The following NPY variants were observed in gnomAD, a reference collection of about 807,000 sequenced individuals.
NPY encodes neuropeptide Y.
Under a neutral mutation model 13.2 loss-of-function variants are expected in NPY, and 11 were observed. The observed-to-expected ratio is 0.83, with a 90% CI of 0.52 to 1.38. The LOEUF is 1.38. Ranked by LOEUF, NPY falls within the 40% of genes most tolerant of loss-of-function variation. The pLI is 0.00. For synonymous variants in NPY, 51 were observed against 55.6 expected, an observed-to-expected ratio of 0.92 and a Z score of 0.37; for missense variants, 109 against 125.1, an observed-to-expected ratio of 0.87 and a Z score of 0.61.
intron 3 of NPY, 35 bp from the exon 4 acceptor site, chr7:24,291,628 C>G (rs1474266625): frequency 1.9e-6 from 3 of 1,613,554 alleles, no homozygotes; most frequent in Non-Finnish European, 2.5e-6. Context: ...AGTTGGGCAG[C>G]TTTCCTTACA....
Position 24,285,161 on chromosome 7 carries a change from G to C in NPY, c.1-80G>C. ...CGCGTGTGGTAGCAGGAGGAGGAGC[G>C]CGGGGGGCAGAGGAGGGAGGTGCTG... On this transcript the variant is annotated intron_variant, in intron 1 of 3. Coordinates refer to ENST00000242152, the MANE Select transcript of NPY (RefSeq NM_000905.4). This position sits in a 1 kb window ranked among gnomAD's most constrained non-coding sequence, Gnocchi z 4.9. 1 of 1,447,848 alleles carries C rather than the reference G, an allele frequency of 6.9e-7. No homozygotes were observed. The allele number at this position is 1,447,848 out of a possible 1,614,324, so 89.7% of individuals were successfully genotyped here. A position where few individuals can be genotyped will look rare whatever the true frequency, so the allele number is the denominator to read the frequency against.
intron 3 of NPY, among the ~76,000 whole-genome samples, chr7:24,290,528 C>CA: frequency 6.6e-6 from 1 of 152,028 alleles, no homozygotes; most frequent in African/African-American, 2.4e-5. Context: ...CAGGGTGACC[C>CA]GCTGGGCCAC....
chr7:24,285,385 T>C lies in NPY; in HGVS notation c.145T>C (p.Tyr49His). The change falls in exon 2 of 4, where the codon TAC becomes CAC. Residue 49 changes from tyrosine (Y) to histidine (H), a missense_variant. Coordinates refer to ENST00000242152, the MANE Select transcript of NPY (RefSeq NM_000905.4). The surrounding 1 kb of genome is among the most constrained non-coding windows in gnomAD (Gnocchi z 4.9). ...DAPAEDMARYYSALRHYINLI... is the reference protein window; with the variant it reads ...DAPAEDMARYHSALRHYINLI... The stretch of plus-strand genomic sequence containing the variant: ...ACCAGCGGAGGACATGGCCAGATAC[T>C]ACTCGGCGCTGCGACACTACATCAA... 1 of 1,613,950 alleles carries C rather than the reference T, an allele frequency of 6.2e-7. No homozygotes were observed. The highest frequency in any genetic ancestry group is 2.2e-5 in the East Asian group (1 of 44,866).
chr7:24,289,200 A>G (rs1787504848), intron 2 of NPY, among the ~76,000 whole-genome samples: 1 of 152,178 alleles, frequency 6.6e-6, no homozygotes, highest in South Asian at 2.1e-4. Flanking sequence ...ATCTCTATAC[A>G]TATTATTTGT....
chr7:24,291,705 T>C lies in NPY; in HGVS notation c.*18T>C. Reference sequence around the variant, plus strand: ...TGTGGTGATGGGAAATGAGACTTGCTCTCTGGCCTTTTCCTATTTTCAGCC... The same window carrying C: ...TGTGGTGATGGGAAATGAGACTTGCCCTCTGGCCTTTTCCTATTTTCAGCC... On this transcript the variant is annotated 3_prime_UTR_variant, in exon 4 of 4. Coordinates refer to ENST00000242152, the MANE Select transcript of NPY (RefSeq NM_000905.4). 1 of 1,614,120 alleles carries C rather than the reference T, an allele frequency of 6.2e-7. No homozygotes were observed. The highest frequency in any genetic ancestry group is 8.5e-7 in the Non-Finnish European group (1 of 1,179,966).
chr7:24,285,200 T>C lies in NPY; in HGVS notation c.1-41T>C. On this transcript the variant is annotated intron_variant, in intron 1 of 3. Coordinates refer to ENST00000242152, the MANE Select transcript of NPY (RefSeq NM_000905.4). The surrounding 1 kb of genome is among the most constrained non-coding windows in gnomAD (Gnocchi z 4.9). ...AGGGAGGTGCTGCGCGTGGGTGCTC[T>C]GAATCCCCAAGCCCGTCCGTTGAGC... 4 of 1,609,896 alleles carry C rather than the reference T, an allele frequency of 2.5e-6. No homozygotes were observed. The highest frequency in any genetic ancestry group is 3.4e-6 in the Non-Finnish European group (4 of 1,176,750).
At chr7:24,286,085 G>A (rs1471435215) in intron 2 of NPY, among the ~76,000 whole-genome samples, 5 of 152,138 alleles carry the variant, frequency 3.3e-5, no homozygotes, top group African/African-American at 4.8e-5. Flanking sequence ...CTATTTTATA[G>A]CTGGTGAATT....
Position 24,291,775 on chromosome 7 carries a change from C to A in NPY, c.*88C>A. On this transcript the variant is annotated 3_prime_UTR_variant, in exon 4 of 4. Transcript: ENST00000242152. ...CGAGAATCCACCCATCCTACCAATG[C>A]ATGCAGCCACTGTGCTGAATTCTGC... 1 of 1,407,486 alleles carries A rather than the reference C, an allele frequency of 7.1e-7. No individual in the cohort carries two copies. The highest frequency in any genetic ancestry group is 1.0e-6 in the Non-Finnish European group (1 of 993,356). 87.2% of individuals were successfully genotyped at this position (1,407,486 alleles called of 1,614,324 possible).
Position 24,285,629 on chromosome 7 carries a change from A to G in NPY, c.188+201A>G, listed in dbSNP as rs1787332803. Among the ~76,000 whole-genome samples, 1 of 151,960 alleles carries G rather than the reference A, an allele frequency of 6.6e-6. No homozygotes were observed. The highest frequency in any genetic ancestry group is 2.1e-4 in the South Asian group (1 of 4,818). On this transcript the variant is annotated intron_variant, in intron 2 of 3. Coordinates refer to ENST00000242152, the MANE Select transcript of NPY (RefSeq NM_000905.4). The surrounding 1 kb of genome is among the most constrained non-coding windows in gnomAD (Gnocchi z 4.9). The stretch of plus-strand genomic sequence containing the variant: ...TGGGTACCTTCCATTTTGTGCAACT[A>G]CAGTCACAGAGTCGTGATCCCCAGA...
chr7:24,285,268 T>C lies in NPY; in HGVS notation c.28T>C (p.Ser10Pro). Residue 10 changes from serine to proline, a missense_variant, in exon 2 of 4, where the codon TCC becomes CCC. Ser to Pro is a moderately conservative substitution (Grantham distance 74). Transcript: ENST00000242152. This position sits in a 1 kb window ranked among gnomAD's most constrained non-coding sequence, Gnocchi z 4.9. ...GCTAGGTAACAAGCGACTGGGGCTG[T>C]CCGGACTGACCCTCGCCCTGTCCCT... MLGNKRLGL[S>P]GLTLALSLLV... is the part of the protein sequence containing the mutation. 6.2e-7 allele frequency: 1 copy of C among 1,614,084 alleles called. No homozygotes were observed. The highest frequency in any genetic ancestry group is 8.5e-7 in the Non-Finnish European group (1 of 1,179,978).
At chr7:24,289,671 C>A in intron 3 of NPY, 92 bp downstream of exon 3, 1 of 896,780 alleles carries the variant, frequency 1.1e-6, no homozygotes, top group South Asian at 1.7e-5. Flanking sequence ...GGAGGCACCA[C>A]CAGGCTTCTA....
chr7:24,285,481 A>C lies in NPY; in HGVS notation c.188+53A>C. ...GGAGCGCCAGTGCCTGCACACCAGG[A>C]GATCCTGGGGATGTTAGGGAAAGGG... On this transcript the variant is annotated intron_variant, in intron 2 of 3. Coordinates refer to ENST00000242152, the MANE Select transcript of NPY (RefSeq NM_000905.4). This position sits in a 1 kb window ranked among gnomAD's most constrained non-coding sequence, Gnocchi z 4.9. 1 of 1,554,078 alleles carries C rather than the reference A, an allele frequency of 6.4e-7. No individual in the cohort carries two copies. The highest frequency in any genetic ancestry group is 1.2e-5 in the South Asian group (1 of 86,348).
At chr7:24,289,724 C>G (rs1787532671) in intron 3 of NPY, 145 bp downstream of exon 3, 1 of 500,114 alleles carries the variant, frequency 2.0e-6, no homozygotes, top group African/African-American at 2.0e-5. Flanking sequence ...AAGAAGCAGG[C>G]AGAGGAGACC....
Position 24,287,323 on chromosome 7 carries a change from C to A in NPY, c.188+1895C>A, listed in dbSNP as rs186858502. Among the ~76,000 whole-genome samples the A allele has an allele frequency of 2.0e-4, 30 of 152,266 alleles. No homozygotes were observed. In the East Asian group the frequency reaches 5.0e-3, roughly 25 times the overall value. ...CCAGCAGAGGCTCTTAATGTACGTC[C>A]ATCTTCTCCTTCCCACCACAGACAC... On this transcript the variant is annotated intron_variant, in intron 2 of 3. Transcript: ENST00000242152.
intron 3 of NPY, among the ~76,000 whole-genome samples, chr7:24,291,040 T>C (rs1728629703): frequency 6.6e-6 from 1 of 152,106 alleles, no homozygotes; most frequent in Non-Finnish European, 1.5e-5. Context: ...CTATATCGAC[T>C]TACTGTTAGA....
intron 3 of NPY, among the ~76,000 whole-genome samples, chr7:24,290,795 G>T (rs1327011921): frequency 3.1e-5 from 1 of 32,248 alleles, no homozygotes; most frequent in Non-Finnish European, 6.5e-5. Context: ...ATTATTCAGA[G>T]ACAAGGTCTC....
At position 24,285,523 on chromosome 7, in the gene NPY, C is replaced by T. The variant is rs1787329151; in HGVS notation, c.188+95C>T. 5.4e-6 allele frequency: 7 copies of T among 1,292,998 alleles called. No homozygotes were observed. Among genetic ancestry groups the T allele is most frequent in the East Asian group, 2.5e-5 (1 of 39,894 alleles). 80.1% of individuals were successfully genotyped at this position (1,292,998 alleles called of 1,614,324 possible). A position where few individuals can be genotyped will look rare whatever the true frequency, so the allele number is the denominator to read the frequency against. On this transcript the variant is annotated intron_variant, in intron 2 of 3. Transcript: ENST00000242152. The surrounding 1 kb of genome is among the most constrained non-coding windows in gnomAD (Gnocchi z 4.9). ...GGGAAAGGGATTGTTTCTTTTCCTT[C>T]GCTCTATCCCAGGGCAGGACAGTAT...
intron 2 of NPY, among the ~76,000 whole-genome samples, chr7:24,288,102 C>G (rs1244444155): frequency 1.3e-5 from 2 of 152,148 alleles, no homozygotes; most frequent in African/African-American, 4.8e-5. Context: ...TGTGCAAATC[C>G]TCCTATTTCA....
At chr7:24,290,772 A>ATTATTATTATTATTATT (rs1554351538) in intron 3 of NPY, among the ~76,000 whole-genome samples, 9 of 9,500 alleles carry the variant, frequency 9.5e-4, no homozygotes, top group East Asian at 9.4e-3. Flanking sequence ...TAATAATAAT[A>ATTATTATTATTATTATT]ATAATTATTA....
Sources: allele counts gnomAD v4.1 joint callset (sites outside exome capture counted in the v4.1 genomes callset), GRCh38; gene constraint gnomAD v4.1.1; non-coding constraint Gnocchi (gnomAD v3.1); transcripts MANE v1.5; gene names NCBI Gene and HGNC (gene_info 2026-07-23, HGNC 2026-07-21).